Variants in DUSP16 observed in about 807,000 individuals in gnomAD.
DUSP16 encodes the protein dual specificity protein phosphatase 16.
In DUSP16, 21 loss-of-function variants were observed where a neutral mutation model predicts 58.3. The ratio of observed to expected loss-of-function variants is 0.36; its 90% confidence interval spans 0.26 to 0.52. The LOEUF is 0.52. Ranked by LOEUF, DUSP16 falls within the 20% of genes least tolerant of loss-of-function variation. The pLI is 0.94. For synonymous variants in DUSP16, 320 were observed against 323.8 expected, an observed-to-expected ratio of 0.99 and a Z score of 0.12; for missense variants, 726 against 819.0, an observed-to-expected ratio of 0.89 and a Z score of 1.39.
At position 12,544,917 on chromosome 12, in the gene DUSP16, T is replaced by A. The variant is rs191744520; in HGVS notation, c.-366+17200A>T. Among the ~76,000 whole-genome samples the A allele has an allele frequency of 1.7e-3, 255 of 152,334 alleles. 2 individuals carry two copies. Among genetic ancestry groups the A allele is most frequent in the African/African-American group, 5.9e-3 (246 of 41,592 alleles). ...TTCCACATTGCTGTAAAGTGCCATT[T>A]TAATCATAAATTAGTATCTACATAT... is the stretch of plus-strand genomic sequence containing the variant. On this transcript the variant is annotated intron_variant, in intron 1 of 6. Transcript: ENST00000298573.
chr12:12,480,263 T>C lies in DUSP16; in HGVS notation c.775A>G (p.Ile259Val), dbSNP rs763903335. The C allele has an allele frequency of 3.1e-6, 5 of 1,614,216 alleles. No homozygotes were observed. The highest frequency in any genetic ancestry group is 4.2e-6 in the Non-Finnish European group (5 of 1,180,032). Reference sequence around the variant, plus strand: ...AAAGACATGTCCATCCTCTTCATGATGTAGGCGATAGCGATGGTGGCGGAG... The same window carrying C: ...AAAGACATGTCCATCCTCTTCATGACGTAGGCGATAGCGATGGTGGCGGAG... ...SRSATIAIAY[I>V]MKRMDMSLDE... is the part of the protein sequence containing the mutation. The change falls in exon 6 of 7, where the codon ATC becomes GTC. Residue 259 changes from isoleucine to valine, a missense_variant. Coordinates refer to ENST00000298573, the MANE Select transcript of DUSP16 (RefSeq NM_030640.3).
intron 1 of DUSP16, among the ~76,000 whole-genome samples, chr12:12,540,220 T>C (rs1041371204): frequency 6.0e-5 from 9 of 150,676 alleles, no homozygotes; most frequent in African/African-American, 2.2e-4. Flanking sequence ...GCCTGGGAGA[T>C]GGAGGTTGCT....
chr12:12,531,645 T>C (rs1944386326), intron 1 of DUSP16, among the ~76,000 whole-genome samples: 1 of 152,206 alleles, frequency 6.6e-6, no homozygotes, highest in South Asian at 2.1e-4. Context: ...CCGAGGTGGG[T>C]GGATCACTTG....
At chr12:12,495,910 C>T (rs1305372108) in intron 4 of DUSP16, among the ~76,000 whole-genome samples, 1 of 152,252 alleles carries the variant, frequency 6.6e-6, no homozygotes, top group African/African-American at 2.4e-5. Context: ...ATGACAATGA[C>T]AAGTGTCCCT....
rs1249096014 is a variant in DUSP16, at chr12:12,474,667, GA to G, written c.*2165del. On this transcript the variant is annotated 3_prime_UTR_variant, in exon 7 of 7. Coordinates refer to ENST00000298573, the MANE Select transcript of DUSP16 (RefSeq NM_030640.3). ...TGTGACTACATCACAGTTCCAGAAG[GA>G]AGGGGGACCATGGCCAAGAGAAGCC... 1 of 24,282 alleles carries G rather than the reference GA, an allele frequency of 4.1e-5. No homozygotes were observed. The highest frequency in any genetic ancestry group is 4.0e-4 in the Non-Finnish European group (1 of 2,520). 1.5% of individuals were successfully genotyped at this position (24,282 alleles called of 1,614,324 possible). A position where few individuals can be genotyped will look rare whatever the true frequency, so the allele number is the denominator to read the frequency against.
intron 1 of DUSP16, among the ~76,000 whole-genome samples, chr12:12,526,702 G>C (rs913448238): frequency 6.6e-6 from 1 of 152,072 alleles, no homozygotes; most frequent in African/African-American, 2.4e-5. Flanking sequence ...CTGCTTCCCA[G>C]ATGATTTTTC....
intron 1 of DUSP16, among the ~76,000 whole-genome samples, chr12:12,522,369 T>C (rs1944250040): frequency 6.6e-6 from 1 of 152,166 alleles, no homozygotes; most frequent in Non-Finnish European, 1.5e-5. Flanking sequence ...AACCCAGTGC[T>C]TCCCTTTCTT....
intron 1 of DUSP16, among the ~76,000 whole-genome samples, chr12:12,545,741 A>C (rs959578851): frequency 1.3e-5 from 2 of 152,204 alleles, no homozygotes; most frequent in Non-Finnish European, 2.9e-5. Flanking sequence ...AAATTCAAAA[A>C]CAAATCCTGG....
intron 1 of DUSP16, among the ~76,000 whole-genome samples, chr12:12,537,671 G>GC (rs1944488166): frequency 1.3e-5 from 2 of 152,166 alleles, no homozygotes; most frequent in Non-Finnish European, 2.9e-5. Flanking sequence ...AAGCTCCACA[G>GC]TCTAATTCTC....
At chr12:12,481,864 T>C (rs1249362940) in intron 5 of DUSP16, among the ~76,000 whole-genome samples, 1 of 152,166 alleles carries the variant, frequency 6.6e-6, no homozygotes, top group African/African-American at 2.4e-5. Flanking sequence ...TCTCAGTGTT[T>C]CCTTCCCTTT....
intron 3 of DUSP16, among the ~76,000 whole-genome samples, chr12:12,513,542 C>T (rs2136225499): frequency 6.6e-6 from 1 of 152,254 alleles, no homozygotes; most frequent in South Asian, 2.1e-4. Context: ...AGTCACTCAG[C>T]AGCTCTGTTA....
intron 1 of DUSP16, among the ~76,000 whole-genome samples, chr12:12,535,206 G>A (rs1159450568): frequency 6.6e-6 from 1 of 152,204 alleles, no homozygotes; most frequent in Non-Finnish European, 1.5e-5. Context: ...TCGGTGAGCT[G>A]TTAGTTCTCC....
At chr12:12,483,222 G>T (rs1336970877) in intron 5 of DUSP16, among the ~76,000 whole-genome samples, 1 of 152,044 alleles carries the variant, frequency 6.6e-6, no homozygotes, top group South Asian at 2.1e-4. Context: ...AAAGAAGGAA[G>T]TAATACTAAG....
intron 5 of DUSP16, among the ~76,000 whole-genome samples, chr12:12,485,743 G>T (rs1943670052): frequency 6.6e-6 from 1 of 150,392 alleles, no homozygotes; most frequent in Non-Finnish European, 1.5e-5. Flanking sequence ...GCTTGTTAAA[G>T]TGCTGGGATT....
intron 1 of DUSP16, among the ~76,000 whole-genome samples, chr12:12,545,200 T>C (rs755303124): frequency 6.6e-5 from 10 of 152,232 alleles, no homozygotes; most frequent in Non-Finnish European, 1.3e-4. Context: ...TTTCATTTTC[T>C]GATTACTGTT....
chr12:12,496,430 C>T (rs544775685), intron 4 of DUSP16, among the ~76,000 whole-genome samples: 19 of 152,192 alleles, frequency 1.2e-4, no homozygotes, highest in African/African-American at 4.6e-4. Context: ...ATAAGAAAGC[C>T]TAGGAAAACC....
In DUSP16 at chr12:12,474,216, C is replaced by T. The variant is rs559111397; in HGVS notation, c.*2617G>A. The T allele has an allele frequency of 2.0e-5, 3 of 152,288 alleles. No individual in the cohort carries two copies. Among genetic ancestry groups the T allele is most frequent in the South Asian group, 2.1e-4 (1 of 4,818 alleles). The allele number at this position is 152,288 out of a possible 1,614,324, so 9.4% of individuals were successfully genotyped here. On this transcript the variant is annotated 3_prime_UTR_variant, in exon 7 of 7. Transcript: ENST00000298573. ...ATGGCTGCAAAGATAGGTCTTTTCT[C>T]GTATTTATGTATAAACAGGTACCAG...
intron 1 of DUSP16, among the ~76,000 whole-genome samples, chr12:12,550,658 A>G (rs1353183146): frequency 6.6e-6 from 1 of 152,220 alleles, no homozygotes; most frequent in East Asian, 1.9e-4. Context: ...AGAGTTGAAC[A>G]ATGAGAACAC....
chr12:12,513,962 T>TAAAC (rs1944112766), intron 3 of DUSP16, among the ~76,000 whole-genome samples: 1 of 152,164 alleles, frequency 6.6e-6, no homozygotes, highest in Non-Finnish European at 1.5e-5. Context: ...AGAGAACTAG[T>TAAAC]TTTCTGCAGG....
Sources: gnomAD v4.1 joint callset for allele counts (sites outside exome capture counted in the v4.1 genomes callset) on GRCh38, gnomAD v4.1.1 for gene constraint, MANE v1.5 for transcripts, NCBI Gene and HGNC (gene_info 2026-07-23, HGNC 2026-07-21) for gene names.